Variants in BIRC6 observed in about 807,000 individuals in gnomAD.
BIRC6 encodes the protein dual E2 ubiquitin-conjugating enzyme/E3 ubiquitin-protein ligase BIRC6.
BIRC6 carries 98 observed loss-of-function variants against 503.3 expected under a neutral mutation model. That is an observed-to-expected ratio of 0.19 (90% CI 0.17 to 0.23). The LOEUF (loss-of-function observed/expected upper bound fraction) is 0.23. Ranked by LOEUF, BIRC6 falls within the 10% of genes least tolerant of loss-of-function variation. BIRC6 has a pLI of 1.00. For missense variants in BIRC6, 5,360 were observed against 5,806.0 expected (o/e 0.92, Z 2.50); for synonymous variants, 2,240 against 2,078.7 (o/e 1.08, Z -2.11).
chr2:32,574,963 G>A, intron 65 of BIRC6, 193 bp from the exon 66 acceptor site: 3 of 601,890 alleles, frequency 5.0e-6, no homozygotes, highest in Middle Eastern at 4.5e-4. Context: ...GGTCAGGCTG[G>A]TCTCGAACTC....
At chr2:32,473,706 CGTGTGTGTGTGTGTGTGTGTGT>C (rs70938348) in intron 33 of BIRC6, among the ~76,000 whole-genome samples, 1 of 72,670 alleles carries the variant, frequency 1.4e-5, no homozygotes, top group Non-Finnish European at 2.4e-5. Context: ...TCTCCTTTTT[CGTGTGTGTGTGTGTGTGTGTGT>C]GTGTGTGTGT....
chr2:32,473,751 AT>A (rs1184435388), intron 33 of BIRC6, among the ~76,000 whole-genome samples: 1,183 of 44,776 alleles, frequency 0.026, 16 homozygotes, highest in Middle Eastern at 0.1. Flanking sequence ...GTGTGTGTGT[AT>A]TTTTTTTTTT....
In BIRC6 at chr2:32,357,298, G is replaced by T. The variant is rs1440660599; in HGVS notation, c.137G>T (p.Gly46Val). ...ASGPGCSSAA[G>V]AGAAGVSEWL... is the part of the protein sequence containing the mutation. ...GGCCCCGGCTGCTCCTCGGCGGCGG[G>T]GGCGGGGGCGGCCGGGGTCTCAGAG... The change falls in exon 1 of 74, where the codon GGG becomes GTG. Residue 46 changes from glycine to valine, a missense_variant. Transcript: ENST00000421745. This position sits in a 1 kb window ranked among gnomAD's most constrained non-coding sequence, Gnocchi z 4.9. 31 of 1,526,198 alleles carry T rather than the reference G, an allele frequency of 2.0e-5. No homozygotes were observed. The highest frequency in any genetic ancestry group is 2.6e-5 in the Non-Finnish European group (30 of 1,139,816). 94.5% of individuals were successfully genotyped at this position (1,526,198 alleles called of 1,614,324 possible).
At chr2:32,423,685 C>G (rs766094685) in intron 10 of BIRC6, among the ~76,000 whole-genome samples, 5 of 152,098 alleles carry the variant, frequency 3.3e-5, no homozygotes, top group Non-Finnish European at 7.4e-5. Flanking sequence ...CCCCCCCAAT[C>G]CCTGCCCCTT....
intron 58 of BIRC6, 100 bp downstream of exon 58, chr2:32,525,119 A>G: frequency 1.9e-6 from 2 of 1,073,224 alleles, no homozygotes; most frequent in Non-Finnish European, 1.3e-6. Flanking sequence ...GTACTAATAT[A>G]AAAAGCTGAC....
chr2:32,470,972 A>G, intron 31 of BIRC6, 42 bp from the exon 32 acceptor site: 1 of 1,544,920 alleles, frequency 6.5e-7, no homozygotes, highest in Non-Finnish European at 8.8e-7. Context: ...AGGAATCCTA[A>G]AGTCATCTGG....
intron 9 of BIRC6, among the ~76,000 whole-genome samples, chr2:32,414,026 T>G (rs1171154780): frequency 6.6e-6 from 1 of 152,174 alleles, no homozygotes; most frequent in Non-Finnish European, 1.5e-5. Context: ...GCACGGTGGC[T>G]CATGCCTGTA....
chr2:32,556,416 C>T (rs2058781429), intron 65 of BIRC6, among the ~76,000 whole-genome samples: 1 of 152,154 alleles, frequency 6.6e-6, no homozygotes, highest in African/African-American at 2.4e-5. Flanking sequence ...ATGAGCTGCT[C>T]ACGTACCTAA....
chr2:32,467,118 CAA>C (rs1207152761), intron 26 of BIRC6, among the ~76,000 whole-genome samples: 1,290 of 81,984 alleles, frequency 0.016, 15 homozygotes, highest in African/African-American at 0.054. Context: ...GACTCCGTCT[CAA>C]AAAAAAAAAA....
At chr2:32,430,778 T>G in intron 11 of BIRC6, 87 bp from the exon 12 acceptor site, 1 of 1,026,084 alleles carries the variant, frequency 9.7e-7, no homozygotes, top group Non-Finnish European at 1.4e-6. Context: ...AACCTACCCA[T>G]GAATTAAAAC....
intron 6 of BIRC6, among the ~76,000 whole-genome samples, chr2:32,398,181 G>C (rs1279518454): frequency 6.6e-6 from 1 of 152,198 alleles, no homozygotes; most frequent in Non-Finnish European, 1.5e-5. Context: ...CCATACCCTA[G>C]TAACTAGCAA....
At chr2:32,389,971 T>C (rs1415936350) in intron 4 of BIRC6, among the ~76,000 whole-genome samples, 1 of 152,066 alleles carries the variant, frequency 6.6e-6, no homozygotes, top group Non-Finnish European at 1.5e-5. Flanking sequence ...GCAATTCTCC[T>C]GCCTCAGCCT....
At chr2:32,438,851 C>T (rs190363428) in intron 15 of BIRC6, among the ~76,000 whole-genome samples, 26 of 152,232 alleles carry the variant, frequency 1.7e-4, no homozygotes, top group Non-Finnish European at 2.8e-4. Context: ...TGAGCCACTG[C>T]GCCCGGCCTA....
At position 32,481,439 on chromosome 2, in the gene BIRC6, G is replaced by A. The variant is rs540832942; in HGVS notation, c.7528G>A (p.Ala2510Thr). The A allele has an allele frequency of 1.2e-6, 2 of 1,610,896 alleles. No homozygotes were observed. The highest frequency in any genetic ancestry group is 3.4e-5 in the Admixed American group (2 of 59,530). ...DIDLEKDPLA[A>T]KVFKPISSTW... ...TGATTTGGAAAAGGACCCTCTTGCAGCCAAGGTTTTTAAGGTATGATACAT... is the reference window on the plus strand; with the variant it reads ...TGATTTGGAAAAGGACCCTCTTGCAACCAAGGTTTTTAAGGTATGATACAT... Residue 2510 changes from alanine to threonine, a missense_variant, in exon 38 of 74, where the codon GCC becomes ACC. By Grantham distance (58) the Ala-to-Thr change is moderately conservative (BLOSUM62 0). Coordinates refer to ENST00000421745, the MANE Select transcript of BIRC6 (RefSeq NM_016252.4).
At position 32,384,140 on chromosome 2, in the gene BIRC6, CT is replaced by C. The variant is rs544186741; in HGVS notation, c.645+3853del. Among the ~76,000 whole-genome samples, 13 of 152,238 alleles carry C rather than the reference CT, an allele frequency of 8.5e-5. No homozygotes were observed. In the South Asian group the frequency reaches 2.7e-3, roughly 32 times the overall value. On this transcript the variant is annotated intron_variant, in intron 3 of 73. Coordinates refer to ENST00000421745, the MANE Select transcript of BIRC6 (RefSeq NM_016252.4). ...GGAGTAAGACCTGTAGAGCTGAAAG[CT>C]TTAAAAAAAATCTGTGAATGAGTTT...
At chr2:32,496,024 G>A (rs1473190395) in intron 45 of BIRC6, among the ~76,000 whole-genome samples, 5 of 151,816 alleles carry the variant, frequency 3.3e-5, no homozygotes, top group African/African-American at 1.2e-4. Context: ...TGTAGTTTTA[G>A]TAGAGACGGG....
At chr2:32,490,730 A>C (rs1312741913) in intron 43 of BIRC6, among the ~76,000 whole-genome samples, 2 of 152,154 alleles carry the variant, frequency 1.3e-5, no homozygotes, top group African/African-American at 2.4e-5. Context: ...TTTACATTTC[A>C]TCTAAGTTTT....
chr2:32,553,197 C>CAAAAAAAAAAAAAAAAAAAAAAAAAAA, intron 65 of BIRC6, among the ~76,000 whole-genome samples: 1 of 34,936 alleles, frequency 2.9e-5, no homozygotes, highest in Non-Finnish European at 4.9e-5. Context: ...AACTCTGTCT[C>CAAAAAAAAAAAAAAAAAAAAAAAAAAA]AAAAAAAAAA....
chr2:32,402,015 A>G (rs143102008), intron 8 of BIRC6, among the ~76,000 whole-genome samples: 1 of 152,252 alleles, frequency 6.6e-6, no homozygotes, highest in African/African-American at 2.4e-5. Context: ...TTAGCACCTC[A>G]AATTATGGCA....
Sources: allele counts gnomAD v4.1 joint callset (sites outside exome capture counted in the v4.1 genomes callset), GRCh38; gene constraint gnomAD v4.1.1; non-coding constraint Gnocchi (gnomAD v3.1); transcripts MANE v1.5; gene names NCBI Gene and HGNC (gene_info 2026-07-23, HGNC 2026-07-21).